The following SCAPER variants were observed in gnomAD, a reference collection of about 807,000 sequenced individuals.
SCAPER encodes S phase cyclin A-associated protein in the endoplasmic reticulum.
A neutral mutation model predicts 182.2 loss-of-function variants in SCAPER; 98 were observed. That is an observed-to-expected ratio of 0.54 (90% CI 0.46 to 0.64). The LOEUF is 0.64. Among genes scored for constraint, SCAPER ranks in the 30% least tolerant of loss-of-function variants. The pLI, the probability that SCAPER is intolerant of heterozygous loss-of-function variation, is 0.00. For missense variants in SCAPER, 1,432 were observed against 1,690.0 expected (o/e 0.85, Z 2.68); for synonymous variants, 605 against 564.6 (o/e 1.07, Z -1.01).
rs771281451 is a variant in SCAPER, at chr15:76,728,588, G to T, written c.2165+7C>A. 6.2e-7 allele frequency: 1 copy of T among 1,613,118 alleles called. No individual in the cohort carries two copies. On this transcript the variant is annotated splice_region_variant and intron_variant, in intron 17 of 31. Transcript: ENST00000563290. The stretch of plus-strand genomic sequence containing the variant: ...CAAAATGTTCATCAAGATAGCAAAT[G>T]AGATACCTAGCTCTTTCCCGGGCTG...
intron 23 of SCAPER, among the ~76,000 whole-genome samples, chr15:76,569,153 A>C (rs1317065540): frequency 1.3e-5 from 2 of 152,096 alleles, no homozygotes; most frequent in Admixed American, 1.3e-4. Flanking sequence ...AATTTTCAAC[A>C]TTTCACCAGT....
intron 21 of SCAPER, among the ~76,000 whole-genome samples, chr15:76,635,175 A>T (rs2053483814): frequency 6.6e-6 from 1 of 152,230 alleles, no homozygotes; most frequent in Admixed American, 6.5e-5. Flanking sequence ...GGAGCCTATC[A>T]AAGTCTATAG....
At position 76,392,611 on chromosome 15, in the gene SCAPER, C is replaced by T. The variant is rs762128973; in HGVS notation, c.3468-10996G>A. ...AAGCAAAATCAGAGAATTAGTGGAACGCAGCAGTGCATCCCTGTAGTCTCA... is the reference window on the plus strand; with the variant it reads ...AAGCAAAATCAGAGAATTAGTGGAATGCAGCAGTGCATCCCTGTAGTCTCA... On this transcript the variant is annotated intron_variant, in intron 27 of 31. Coordinates refer to ENST00000563290, the MANE Select transcript of SCAPER (RefSeq NM_020843.4). Among the ~76,000 whole-genome samples, 24 of 152,004 alleles carry T rather than the reference C, an allele frequency of 1.6e-4. 1 individual carries two copies. The highest frequency in any genetic ancestry group is 1.2e-3 in the East Asian group (6 of 5,182).
chr15:76,637,873 T>A (rs1412100450), intron 21 of SCAPER, among the ~76,000 whole-genome samples: 1 of 151,194 alleles, frequency 6.6e-6, no homozygotes, highest in Non-Finnish European at 1.5e-5. Flanking sequence ...TAGATTTCCC[T>A]GATGACTAAT....
At chr15:76,652,467 C>T (rs1274703802) in intron 21 of SCAPER, among the ~76,000 whole-genome samples, 1 of 116,756 alleles carries the variant, frequency 8.6e-6, no homozygotes, top group African/African-American at 3.4e-5. Context: ...GCCTGGCCAA[C>T]ATGGTGAACC....
intron 25 of SCAPER, among the ~76,000 whole-genome samples, chr15:76,465,769 A>G (rs1384956257): frequency 6.6e-6 from 1 of 152,032 alleles, no homozygotes; most frequent in East Asian, 1.9e-4. Flanking sequence ...TAAGGGTCCC[A>G]TATCATTCTT....
At chr15:76,684,236 T>C (rs1347827954) in intron 20 of SCAPER, among the ~76,000 whole-genome samples, 1 of 152,046 alleles carries the variant, frequency 6.6e-6, no homozygotes, top group Non-Finnish European at 1.5e-5. Flanking sequence ...CTGAATGGTA[T>C]AAATGTCCCA....
At chr15:76,677,351 G>A (rs894331914) in intron 20 of SCAPER, among the ~76,000 whole-genome samples, 5 of 151,998 alleles carry the variant, frequency 3.3e-5, no homozygotes, top group African/African-American at 1.2e-4. Context: ...TAGAAAAGCA[G>A]CTTGATGCAG....
intron 23 of SCAPER, among the ~76,000 whole-genome samples, chr15:76,529,610 T>A (rs1449911627): frequency 6.6e-6 from 1 of 152,132 alleles, no homozygotes; most frequent in African/African-American, 2.4e-5. Flanking sequence ...AAGTTGACAT[T>A]TGAGTAAAGA....
chr15:76,376,352 G>T (rs1457745948), intron 28 of SCAPER, 41 bp from the exon 29 acceptor site: 7 of 1,559,574 alleles, frequency 4.5e-6, no homozygotes, highest in Non-Finnish European at 5.2e-6. Context: ...TCAGCCCAGG[G>T]AGAGCCAGGG....
intron 24 of SCAPER, among the ~76,000 whole-genome samples, chr15:76,475,010 A>C (rs2050508033): frequency 1.3e-5 from 2 of 152,252 alleles, no homozygotes; most frequent in Admixed American, 1.3e-4. Flanking sequence ...AATTCTCCAC[A>C]GATGTCAACC....
chr15:76,566,437 C>A (rs1454917705), intron 23 of SCAPER, among the ~76,000 whole-genome samples: 1 of 152,064 alleles, frequency 6.6e-6, no homozygotes, highest in African/African-American at 2.4e-5. Context: ...TCTATAAAGT[C>A]AGGAAAGGCA....
At chr15:76,726,878 C>G (rs1051705380) in intron 17 of SCAPER, among the ~76,000 whole-genome samples, 2 of 151,988 alleles carry the variant, frequency 1.3e-5, no homozygotes, top group African/African-American at 4.8e-5. Context: ...GTAGATAGAA[C>G]ACTTCAGTCT....
At chr15:76,542,079 C>T (rs919746797) in intron 23 of SCAPER, among the ~76,000 whole-genome samples, 1 of 152,162 alleles carries the variant, frequency 6.6e-6, no homozygotes, top group African/African-American at 2.4e-5. Flanking sequence ...TTCTACTCAT[C>T]TGACTATTTT....
intron 22 of SCAPER, among the ~76,000 whole-genome samples, chr15:76,588,756 T>G (rs2048878908): frequency 6.6e-6 from 1 of 152,188 alleles, no homozygotes; most frequent in Non-Finnish European, 1.5e-5. Context: ...GCTTCAAGAT[T>G]TAGAACTCCT....
intron 26 of SCAPER, among the ~76,000 whole-genome samples, chr15:76,418,424 G>A (rs2045805065): frequency 6.6e-6 from 1 of 152,202 alleles, no homozygotes; most frequent in South Asian, 2.1e-4. Flanking sequence ...CCCAAATCTA[G>A]TTTGGAGAGT....
chr15:76,762,545 T>C (rs917641235), intron 14 of SCAPER, among the ~76,000 whole-genome samples: 4 of 152,164 alleles, frequency 2.6e-5, no homozygotes, highest in Admixed American at 6.5e-5. Context: ...ACCATTACAC[T>C]ATGTGTTTTT....
chr15:76,453,566 G>A (rs780259492), intron 25 of SCAPER, among the ~76,000 whole-genome samples: 4 of 152,196 alleles, frequency 2.6e-5, no homozygotes, highest in Non-Finnish European at 5.9e-5. Context: ...GCAACGCTGT[G>A]TTATTTTCAT....
chr15:76,590,759 C>T (rs1051685990), intron 22 of SCAPER, among the ~76,000 whole-genome samples: 11 of 151,920 alleles, frequency 7.2e-5, no homozygotes, highest in South Asian at 4.1e-4. Context: ...ACAGTTTATT[C>T]GATATAGGAA....
Sources: gnomAD v4.1 joint callset for allele counts (sites outside exome capture counted in the v4.1 genomes callset) on GRCh38, gnomAD v4.1.1 for gene constraint, MANE v1.5 for transcripts, NCBI Gene and HGNC (gene_info 2026-07-23, HGNC 2026-07-21) for gene names.